Variants in PEG3 observed in about 807,000 individuals in gnomAD.
PEG3 encodes the protein paternally-expressed gene 3 protein.
In PEG3, 23 loss-of-function variants were observed where a neutral mutation model predicts 35.5. The ratio of observed to expected loss-of-function variants is 0.65; its 90% confidence interval spans 0.47 to 0.92. The LOEUF (loss-of-function observed/expected upper bound fraction) is 0.92, where lower values mean the gene tolerates loss of function less well. Among genes scored for constraint, PEG3 ranks in the 40% least tolerant of loss-of-function variants. The probability of loss-of-function intolerance (pLI) is 0.00; values close to 1 mark genes in which losing one functional copy is unlikely to be tolerated. For synonymous variants in PEG3, 707 were observed against 697.0 expected (o/e 1.01, Z -0.23); for missense variants, 1,960 against 1,985.3 (o/e 0.99, Z 0.24).
In PEG3 at chr19:56,817,171, T is replaced by C. The variant is rs1360413922; in HGVS notation, c.1271A>G (p.Lys424Arg). The change falls in exon 10 of 10, where the codon AAA becomes AGA. Residue 424 changes from lysine (K) to arginine (R), a missense_variant. Coordinates refer to ENST00000326441, the MANE Select transcript of PEG3 (RefSeq NM_006210.3). ...KPFECGSEMR[K>R]AMSVSSLSSL... ...GCTCAGGCTGCTCACGCTCATGGCT[T>C]TTCTCATCTCACTACCACATTCAAA... 1 of 1,614,206 alleles carries C rather than the reference T, an allele frequency of 6.2e-7. No homozygotes were observed. The highest frequency in any genetic ancestry group is 1.1e-5 in the South Asian group (1 of 91,080).
intron 3 of PEG3, 137 bp from the exon 4 acceptor site, chr19:56,824,878 T>G: frequency 1.9e-6 from 1 of 529,818 alleles, no homozygotes; most frequent in Admixed American, 3.2e-5. Flanking sequence ...CCGCACAAAG[T>G]TGGCCTCAGC....
Position 56,821,657 on chromosome 19 carries a change from T to C in PEG3, c.663A>G (p.Arg221=). Residue 221 remains arginine, a synonymous_variant, in exon 7 of 10, where the codon CGA becomes CGG. Coordinates refer to ENST00000326441, the MANE Select transcript of PEG3 (RefSeq NM_006210.3). ...AGAGGAAACCTGAGCATACCTGAGA[T>C]CGGGACTCATAAGCCCTGGAGTCCC... The part of the protein sequence containing the change: ...DDRDSRAYES[R]SQDAESYQNV... 6.2e-7 allele frequency: 1 copy of C among 1,613,944 alleles called. No homozygotes were observed. The highest frequency in any genetic ancestry group is 8.5e-7 in the Non-Finnish European group (1 of 1,180,020).
At position 56,815,380 on chromosome 19, in the gene PEG3, T is replaced by C. The variant is rs1301669723; in HGVS notation, c.3062A>G (p.Gln1021Arg). ...CGCTTGCTCTTTAGCATACTGCTCT[T>C]GGGCGTAACTTGTTTGAGGGTCAGT... ...APTDPQTSYA[Q>R]EQYAKEQARN... Residue 1021 changes from glutamine (Q) to arginine (R), a missense_variant, in exon 10 of 10, where the codon CAA (glutamine) becomes CGA (arginine). Transcript: ENST00000326441. 6 of 1,614,078 alleles carry C rather than the reference T, an allele frequency of 3.7e-6. No individual in the cohort carries two copies. Among genetic ancestry groups the C allele is most frequent in the African/African-American group, 2.7e-5 (2 of 74,930 alleles).
rs1412989132 is a variant in PEG3, at chr19:56,824,552, A to C, written c.104T>G (p.Ile35Arg). ...SDLTKEPDVIIGEGPTDSEFF... is the reference protein window; with the variant it reads ...SDLTKEPDVIRGEGPTDSEFF... The stretch of plus-strand genomic sequence containing the variant: ...CTCAGAGTCAGTTGGACCTTCTCCT[A>C]TGATGACATCCGGCTCCTTAGTCAA... Residue 35 changes from isoleucine to arginine, a missense_variant, in exon 4 of 10, where the codon ATA becomes AGA. Ile to Arg is a moderately conservative substitution (Grantham distance 97, BLOSUM62 -3). Around this residue, in one of 5 missense-constraint regions of PEG3, gnomAD observed 613 missense variants for 577.1 expected, o/e 1.06. Coordinates refer to ENST00000326441, the MANE Select transcript of PEG3 (RefSeq NM_006210.3). 8 of 1,614,158 alleles carry C rather than the reference A, an allele frequency of 5.0e-6. No homozygotes were observed. The highest frequency in any genetic ancestry group is 2.2e-5 in the East Asian group (1 of 44,870).
At chr19:56,823,913 C>G (rs548226487) in intron 4 of PEG3, among the ~76,000 whole-genome samples, 1 of 152,252 alleles carries the variant, frequency 6.6e-6, no homozygotes, top group Non-Finnish European at 1.5e-5. Flanking sequence ...CAGACACAAA[C>G]AGCCAGAAGG....
chr19:56,819,638 C>T (rs573912959), intron 7 of PEG3, among the ~76,000 whole-genome samples: 8 of 152,196 alleles, frequency 5.3e-5, no homozygotes, highest in African/African-American at 1.7e-4. Flanking sequence ...GCCTTGGGAA[C>T]GGAAATCTTT....
intron 3 of PEG3, 94 bp from the exon 4 acceptor site, chr19:56,824,835 G>A: frequency 1.7e-6 from 1 of 594,564 alleles, no homozygotes; most frequent in South Asian, 2.3e-5. Context: ...AATGCTTTTG[G>A]GATATGGGAG....
intron 2 of PEG3, among the ~76,000 whole-genome samples, chr19:56,831,869 C>T (rs1048775132): frequency 5.3e-5 from 8 of 152,162 alleles, no homozygotes; most frequent in Non-Finnish European, 1.0e-4. Flanking sequence ...TTCCCATTTA[C>T]GTGTACACAG....
intron 5 of PEG3, among the ~76,000 whole-genome samples, chr19:56,823,042 G>T (rs2060652824): frequency 6.6e-6 from 1 of 152,170 alleles, no homozygotes; most frequent in Admixed American, 6.5e-5. Context: ...CTTTGCCCAA[G>T]TGGGGCTTGC....
chr19:56,811,540 A>G lies in PEG3; in HGVS notation c.*2135T>C. 2 of 985,316 alleles carry G rather than the reference A, an allele frequency of 2.0e-6. No homozygotes were observed. Among genetic ancestry groups the G allele is most frequent in the Non-Finnish European group, 2.4e-6 (2 of 829,852 alleles). 61.0% of individuals were successfully genotyped at this position (985,316 alleles called of 1,614,324 possible). Reference sequence around the variant, plus strand: ...TACCATTTGTTACTACCTTTTCACTAGCTGAAGGTTGGAACGGACACCCTG... The same window carrying G: ...TACCATTTGTTACTACCTTTTCACTGGCTGAAGGTTGGAACGGACACCCTG... On this transcript the variant is annotated 3_prime_UTR_variant, in exon 10 of 10. Coordinates refer to ENST00000326441, the MANE Select transcript of PEG3 (RefSeq NM_006210.3).
chr19:56,813,161 A>G lies in PEG3; in HGVS notation c.*514T>C. On this transcript the variant is annotated 3_prime_UTR_variant, in exon 10 of 10. Transcript: ENST00000326441. ...ATAAATCTTTCTCAGGATCTAAGAC[A>G]CTTAAAAATATAATCAAATTTGTTG... is the stretch of plus-strand genomic sequence containing the variant. The G allele has an allele frequency of 1.0e-6, 1 of 982,292 alleles. No individual in the cohort carries two copies. Among genetic ancestry groups the G allele is most frequent in the Non-Finnish European group, 1.2e-6 (1 of 827,336 alleles). 60.8% of individuals were successfully genotyped at this position (982,292 alleles called of 1,614,324 possible).
At chr19:56,838,623 AAC>A (rs1353427520) in intron 1 of PEG3, among the ~76,000 whole-genome samples, 2 of 152,168 alleles carry the variant, frequency 1.3e-5, no homozygotes, top group Admixed American at 6.5e-5. Flanking sequence ...GTTAGCCAAA[AAC>A]ACAGCGAGCG....
At position 56,828,476 on chromosome 19, in the gene PEG3, G is replaced by A. The variant is rs553764456; in HGVS notation, c.-162-2013C>T. Among the ~76,000 whole-genome samples, 36 of 152,282 alleles carry A rather than the reference G, an allele frequency of 2.4e-4. No homozygotes were observed. The South Asian group carries it at 7.0e-3, about 30-fold the overall frequency. Reference sequence around the variant, plus strand: ...TATACAGTTCAAAAGTGTGTTCACAGAAGCACTGTTTACAACAGCAGAGAA... The same window carrying A: ...TATACAGTTCAAAAGTGTGTTCACAAAAGCACTGTTTACAACAGCAGAGAA... On this transcript the variant is annotated intron_variant, in intron 2 of 9. Transcript: ENST00000326441.
intron 2 of PEG3, among the ~76,000 whole-genome samples, chr19:56,832,329 C>T (rs543263962): frequency 2.0e-5 from 3 of 152,280 alleles, no homozygotes; most frequent in South Asian, 4.2e-4. Context: ...CTCCCACCGA[C>T]AGTACCCTGT....
At chr19:56,825,340 T>C (rs1397413931) in intron 3 of PEG3, among the ~76,000 whole-genome samples, 3 of 152,234 alleles carry the variant, frequency 2.0e-5, no homozygotes, top group Non-Finnish European at 2.9e-5. Context: ...CCTCACACAG[T>C]GAGAAGTGAC....
Position 56,811,263 on chromosome 19 carries a change from C to A in PEG3, c.*2412G>T. On this transcript the variant is annotated 3_prime_UTR_variant, in exon 10 of 10. Coordinates refer to ENST00000326441, the MANE Select transcript of PEG3 (RefSeq NM_006210.3). ...AACTATAAGCCTACAACAACAACAC[C>A]ACAACAGCTTTTGACTATAAGCATA... 1.1e-6 allele frequency: 1 copy of A among 943,094 alleles called. No homozygotes were observed. The highest frequency in any genetic ancestry group is 1.3e-6 in the Non-Finnish European group (1 of 791,652). 58.4% of individuals were successfully genotyped at this position (943,094 alleles called of 1,614,324 possible). A position where few individuals can be genotyped will look rare whatever the true frequency, so the allele number is the denominator to read the frequency against.
At chr19:56,829,357 A>T (rs940906303) in intron 2 of PEG3, among the ~76,000 whole-genome samples, 1 of 152,074 alleles carries the variant, frequency 6.6e-6, no homozygotes, top group African/African-American at 2.4e-5. Context: ...AAAAAAAAAA[A>T]AAAAGTCAGC....
chr19:56,838,749 T>C (rs1453384694), intron 1 of PEG3, among the ~76,000 whole-genome samples: 1 of 152,218 alleles, frequency 6.6e-6, no homozygotes, highest in African/African-American at 2.4e-5. Flanking sequence ...CCAGTCCCAC[T>C]GGCAAAACAG....
chr19:56,817,835 A>C lies in PEG3; in HGVS notation c.773T>G (p.Val258Gly), dbSNP rs751618556. 6.2e-7 allele frequency: 1 copy of C among 1,613,132 alleles called. No homozygotes were observed. Among genetic ancestry groups the C allele is most frequent in the Non-Finnish European group, 8.5e-7 (1 of 1,179,532 alleles). ...MENYRKLLSL[V>G]QLAEDDGHSH... Reference sequence around the variant, plus strand: ...GTGGCCATCGTCTTCAGCAAGCTGCACTCCTGGTCACAAGGACAATATGAT... The same window carrying C: ...GTGGCCATCGTCTTCAGCAAGCTGCCCTCCTGGTCACAAGGACAATATGAT... Residue 258 changes from valine to glycine, a missense_variant and splice_region_variant, in exon 9 of 10, where the codon GTG (valine) becomes GGG (glycine). This residue lies in a region of PEG3 where 613 missense variants were observed against 577.1 expected (regional missense o/e 1.06). Transcript: ENST00000326441.
Sources: allele counts gnomAD v4.1 joint callset (sites outside exome capture counted in the v4.1 genomes callset), GRCh38; gene constraint gnomAD v4.1.1; regional missense constraint gnomAD v4.1.1; transcripts MANE v1.5; gene names NCBI Gene and HGNC (gene_info 2026-07-23, HGNC 2026-07-21).